Variants in HPSE2 observed in about 807,000 individuals in gnomAD.
HPSE2 encodes the protein inactive heparanase-2.
A neutral mutation model predicts 60.5 loss-of-function variants in HPSE2; 38 were observed. The ratio of observed to expected loss-of-function variants is 0.63; its 90% CI spans 0.48 to 0.82. The LOEUF (loss-of-function observed/expected upper bound fraction) is 0.82, where lower values mean the gene tolerates loss of function less well. Among genes scored for constraint, HPSE2 ranks in the 40% least tolerant of loss-of-function variants. The pLI, the probability that HPSE2 is intolerant of heterozygous loss-of-function variation, is 0.00. For missense variants in HPSE2, 713 were observed against 740.4 expected (o/e 0.96, Z 0.43); for synonymous variants, 295 against 293.2 (o/e 1.01, Z -0.06).
intron 3 of HPSE2, among the ~76,000 whole-genome samples, chr10:98,937,466 A>G (rs1589392620): frequency 6.9e-6 from 1 of 144,234 alleles, no homozygotes; most frequent in Non-Finnish European, 1.5e-5. Flanking sequence ...TCCTACGCCC[A>G]CGGAGTCTCG....
At chr10:98,512,856 TAACTC>T (rs1331734858) in intron 9 of HPSE2, among the ~76,000 whole-genome samples, 3 of 59,222 alleles carry the variant, frequency 5.1e-5, no homozygotes, top group Admixed American at 2.0e-4. Context: ...CACACTTTGT[TAACTC>T]AACTGAGATA....
chr10:99,257,241 A>T, the HPSE2 span, among the ~76,000 whole-genome samples: 2 of 152,196 alleles, frequency 1.3e-5, no homozygotes, highest in Non-Finnish European at 2.9e-5. Context: ...GGGCACCTTG[A>T]AAAAAGAACA....
chr10:99,205,834 A>C (rs1475989778), intron 2 of HPSE2, among the ~76,000 whole-genome samples: 1 of 152,220 alleles, frequency 6.6e-6, no homozygotes, highest in African/African-American at 2.4e-5. Context: ...GCACCAACCT[A>C]AAATGCCATG....
Position 99,126,784 on chromosome 10 carries a change from TC to T in HPSE2, c.610+17453del, listed in dbSNP as rs753361843. On this transcript the variant is annotated intron_variant, in intron 3 of 11. Coordinates refer to ENST00000370552, the MANE Select transcript of HPSE2 (RefSeq NM_021828.5). The surrounding 1 kb of genome is among the most constrained non-coding windows in gnomAD (Gnocchi z 4.0). ...ACCTCCACCACAGCAGACACTAGTA[TC>T]CATGGCTGAGACCTGAAGATGGATC... Among the ~76,000 whole-genome samples the T allele has an allele frequency of 2.0e-5, 3 of 152,190 alleles. No homozygotes were observed. The highest frequency in any genetic ancestry group is 4.4e-5 in the Non-Finnish European group (3 of 68,034).
chr10:98,486,806 A>G (rs1287834968), intron 10 of HPSE2, among the ~76,000 whole-genome samples: 2 of 152,218 alleles, frequency 1.3e-5, no homozygotes, highest in South Asian at 2.1e-4. Flanking sequence ...GGTAAAAGCC[A>G]GGCCATGTTT....
chr10:98,594,170 T>A (rs937953638), intron 9 of HPSE2, among the ~76,000 whole-genome samples: 1 of 152,138 alleles, frequency 6.6e-6, no homozygotes, highest in African/African-American at 2.4e-5. Flanking sequence ...AACACAAATA[T>A]ATTCTTAGTG....
intron 3 of HPSE2, among the ~76,000 whole-genome samples, chr10:98,899,737 T>C (rs1953607139): frequency 6.7e-6 from 1 of 149,896 alleles, no homozygotes; most frequent in South Asian, 2.1e-4. Flanking sequence ...TACCATCACT[T>C]GAAAAATATT....
At chr10:99,151,864 T>C (rs1304112020) in intron 2 of HPSE2, among the ~76,000 whole-genome samples, 1 of 152,182 alleles carries the variant, frequency 6.6e-6, no homozygotes, top group Non-Finnish European at 1.5e-5. Context: ...TGCAGTTACC[T>C]ATAACTGCAC....
the HPSE2 span, among the ~76,000 whole-genome samples, chr10:99,299,305 G>A: frequency 6.6e-6 from 1 of 152,178 alleles, no homozygotes; most frequent in East Asian, 1.9e-4. Flanking sequence ...CCCCAGATCA[G>A]CCCCCTAAAT....
chr10:98,618,208 C>T (rs1451165979), intron 8 of HPSE2, among the ~76,000 whole-genome samples: 1 of 152,114 alleles, frequency 6.6e-6, no homozygotes, highest in East Asian at 1.9e-4. Flanking sequence ...GTCAACTAAG[C>T]ATTGGATATC....
intron 3 of HPSE2, among the ~76,000 whole-genome samples, chr10:99,077,592 G>A (rs915777419): frequency 1.5e-4 from 22 of 151,604 alleles, no homozygotes; most frequent in Admixed American, 3.3e-4. Flanking sequence ...GTGTGTATGT[G>A]TATATGTGTG....
At chr10:98,635,217 A>G (rs1053656789) in intron 7 of HPSE2, among the ~76,000 whole-genome samples, 2 of 152,238 alleles carry the variant, frequency 1.3e-5, no homozygotes. Context: ...AATGACTACT[A>G]TAAAGAAGAT....
chr10:98,849,291 G>A (rs7078382), intron 3 of HPSE2, among the ~76,000 whole-genome samples: 3,868 of 152,272 alleles, frequency 0.025, 165 homozygotes, highest in African/African-American at 0.087. Flanking sequence ...TCATGTGTAT[G>A]CACACATCCA....
intron 6 of HPSE2, among the ~76,000 whole-genome samples, chr10:98,663,542 C>T (rs573436781): frequency 3.3e-5 from 5 of 152,228 alleles, no homozygotes; most frequent in African/African-American, 4.8e-5. Context: ...CAAGGGGACA[C>T]AGGAAGAACA....
At chr10:99,239,424 T>TG, upstream of HPSE2, among the ~76,000 whole-genome samples, 2 of 126,898 alleles carry the variant, frequency 1.6e-5, no homozygotes, top group African/African-American at 6.0e-5. Context: ...CAAGGTTTTT[T>TG]TTTTTTTTTT....
At chr10:98,660,651 A>C (rs1366326846) in intron 6 of HPSE2, among the ~76,000 whole-genome samples, 1 of 152,158 alleles carries the variant, frequency 6.6e-6, no homozygotes, top group Non-Finnish European at 1.5e-5. Context: ...CTTTCCCATA[A>C]TGGCCCTTAT....
intron 6 of HPSE2, among the ~76,000 whole-genome samples, chr10:98,689,659 A>AT (rs140599899): frequency 0.017 from 2,512 of 151,922 alleles, 34 homozygotes; most frequent in Non-Finnish European, 0.022. Flanking sequence ...ATGTCTGGTA[A>AT]TTTTTTTTAT....
intron 3 of HPSE2, among the ~76,000 whole-genome samples, chr10:98,965,830 A>G (rs1955799738): frequency 6.6e-6 from 1 of 152,126 alleles, no homozygotes; most frequent in African/African-American, 2.4e-5. Flanking sequence ...AAGACTACTA[A>G]TCTGCATGGC....
At chr10:98,746,270 TG>T (rs1215456031) in intron 3 of HPSE2, among the ~76,000 whole-genome samples, 1 of 64,110 alleles carries the variant, frequency 1.6e-5, no homozygotes, top group Non-Finnish European at 4.2e-5. Flanking sequence ...CTTAGTAAAG[TG>T]ATCATGAAAC....
Sources: gnomAD v4.1 joint callset for allele counts (sites outside exome capture counted in the v4.1 genomes callset) on GRCh38, gnomAD v4.1.1 for gene constraint, Gnocchi (gnomAD v3.1) non-coding constraint, MANE v1.5 for transcripts, NCBI Gene and HGNC (gene_info 2026-07-23, HGNC 2026-07-21) for gene names.